The following TASOR2 variants were observed in gnomAD, a reference collection of about 807,000 sequenced individuals.
TASOR2 encodes the protein transcription activation suppressor family member 2, also known as protein TASOR 2.
Under a neutral mutation model 199.5 loss-of-function variants are expected in TASOR2, and 84 were observed. That is an observed-to-expected ratio of 0.42 (90% CI 0.35 to 0.50). The LOEUF is 0.50. Ranked by LOEUF, TASOR2 falls within the 20% of genes least tolerant of loss-of-function variation. The pLI is 0.02. For missense variants in TASOR2, 2,796 were observed against 2,835.9 expected, an observed-to-expected ratio of 0.99 and a Z score of 0.32; for synonymous variants, 1,103 against 1,046.6, an observed-to-expected ratio of 1.05 and a Z score of -1.04.
chr10:5,756,272 C>T (rs1434058895), intron 15 of TASOR2, among the ~76,000 whole-genome samples: 1 of 152,178 alleles, frequency 6.6e-6, no homozygotes, highest in African/African-American at 2.4e-5. Flanking sequence ...TCTAGAAATG[C>T]TTTAACTACA....
chr10:5,695,359 T>A (rs1479763094), intron 1 of TASOR2, among the ~76,000 whole-genome samples: 1 of 152,192 alleles, frequency 6.6e-6, no homozygotes, highest in African/African-American at 2.4e-5. Context: ...TCATTGAAGA[T>A]CTTTAGATTG....
At chr10:5,731,485 GC>G (rs1479047926) in intron 11 of TASOR2, among the ~76,000 whole-genome samples, 3 of 152,208 alleles carry the variant, frequency 2.0e-5, no homozygotes, top group Non-Finnish European at 4.4e-5. Flanking sequence ...CCGAGATCAC[GC>G]CATTGCGCTC....
exon 15 of TASOR2, chr10:5,747,050 C>T (rs763724361): frequency 2.8e-5 from 45 of 1,614,044 alleles, no homozygotes; most frequent in Middle Eastern, 3.3e-4. Flanking sequence ...GACTCATCAT[C>T]AGCCTCTACC....
At chr10:5,702,912 G>A (rs535451072) in intron 1 of TASOR2, among the ~76,000 whole-genome samples, 3 of 152,272 alleles carry the variant, frequency 2.0e-5, no homozygotes, top group African/African-American at 7.2e-5. Flanking sequence ...TCAGGTTGGT[G>A]CAGAATAACA....
intron 19 of TASOR2, chr10:5,761,727 G>GT: frequency 3.1e-6 from 1 of 320,032 alleles, no homozygotes; most frequent in South Asian, 7.6e-5. Context: ...TAGTTATACC[G>GT]TATTATTTTT....
intron 1 of TASOR2, among the ~76,000 whole-genome samples, chr10:5,700,270 T>G (rs1387301717): frequency 3.3e-5 from 5 of 152,096 alleles, no homozygotes; most frequent in African/African-American, 9.7e-5. Context: ...TAGCAGGATT[T>G]TATTTTTTTT....
At chr10:5,757,748 A>G (rs1839172352) in intron 17 of TASOR2, 75 bp downstream of exon 18, 3 of 1,490,654 alleles carry the variant, frequency 2.0e-6, no homozygotes, top group Non-Finnish European at 1.8e-6. Flanking sequence ...ATACTGTTTC[A>G]TCCAAAAGAA....
At position 5,754,058 on chromosome 10, in the gene TASOR2, A is replaced by C. The variant is rs146693389; in HGVS notation, c.6607-2555A>C. ...CAGTGCTCATGCCTGTAATCCCAGC[A>C]CTTTGGGAGGCCGAGGCAGGTGGAT... On this transcript the variant is annotated intron_variant, in intron 15 of 20. Transcript: ENST00000328090. The surrounding 1 kb of genome is among the most constrained non-coding windows in gnomAD (Gnocchi z 4.3). 3.2e-3 allele frequency among the ~76,000 whole-genome samples: 489 copies of C among 152,224 alleles called. 1 individual carries two copies. Among genetic ancestry groups the C allele is most frequent in the African/African-American group, 0.011 (464 of 41,532 alleles).
rs1386458564 is a variant in TASOR2 at position 5,742,653 on chromosome 10, G to T, written c.2757+127G>T. 2 of 870,966 alleles carry T rather than the reference G, an allele frequency of 2.3e-6. No homozygotes were observed. Among genetic ancestry groups the T allele is most frequent in the African/African-American group, 3.4e-5 (2 of 58,006 alleles). 54.0% of individuals were successfully genotyped at this position (870,966 alleles called of 1,614,324 possible). A position where few individuals can be genotyped will look rare whatever the true frequency, so the allele number is the denominator to read the frequency against. On this transcript the variant is annotated intron_variant, in intron 14 of 20. Transcript: ENST00000328090. The surrounding 1 kb of genome is among the most constrained non-coding windows in gnomAD (Gnocchi z 4.2). ...ACAGTGAATTCTCAAGGTATGTAAA[G>T]AACTATTACACCAAAAACCTAGTTT...
At chr10:5,739,647 T>C in exon 13 of TASOR2, 1 of 1,613,176 alleles carries the variant, frequency 6.2e-7, no homozygotes, top group Non-Finnish European at 8.5e-7. Flanking sequence ...AAAGCTTCAA[T>C]CAGAAATTTC....
chr10:5,734,811 C>G (rs1415540798), intron 11 of TASOR2, among the ~76,000 whole-genome samples: 1 of 149,110 alleles, frequency 6.7e-6, no homozygotes, highest in Non-Finnish European at 1.5e-5. Flanking sequence ...ATCCTCCCAC[C>G]CCAGCCTCTC....
intron 10 of TASOR2, among the ~76,000 whole-genome samples, chr10:5,727,701 A>G (rs1834227631): frequency 6.6e-6 from 1 of 152,202 alleles, no homozygotes; most frequent in Non-Finnish European, 1.5e-5. Context: ...ACACTAATCT[A>G]GCTTATTCTT....
intron 2 of TASOR2, among the ~76,000 whole-genome samples, chr10:5,716,760 C>G (rs1260141943): frequency 6.6e-6 from 1 of 151,894 alleles, no homozygotes; most frequent in East Asian, 1.9e-4. Flanking sequence ...ACTAAAAATA[C>G]AAAAATTAGC....
intron 15 of TASOR2, among the ~76,000 whole-genome samples, chr10:5,753,523 C>T (rs1838378259): frequency 1.3e-5 from 2 of 152,114 alleles, no homozygotes; most frequent in South Asian, 4.1e-4. Flanking sequence ...CCACCATGCC[C>T]AGCTAATTTT....
exon 19 of TASOR2, chr10:5,761,365 T>A: frequency 5.6e-6 from 9 of 1,614,062 alleles, no homozygotes; most frequent in Non-Finnish European, 7.6e-6. Flanking sequence ...AATTGCTTCA[T>A]TATCACCAGT....
rs1835960795 is a variant in TASOR2, at chr10:5,738,729, G to A, written c.1448-889G>A. Among the ~76,000 whole-genome samples, 1 of 151,384 alleles carries A rather than the reference G, an allele frequency of 6.6e-6. No homozygotes were observed. Among genetic ancestry groups the A allele is most frequent in the South Asian group, 2.1e-4 (1 of 4,770 alleles). On this transcript the variant is annotated intron_variant, in intron 12 of 20. Coordinates refer to ENST00000328090, the Ensembl canonical transcript of TASOR2. The surrounding 1 kb of genome is among the most constrained non-coding windows in gnomAD (Gnocchi z 4.7). ...TACTATGATAAAGAGGAACATAGTT[G>A]GCTTTTCTGGTCATCTGTCTACCTG...
exon 15 of TASOR2, chr10:5,747,524 C>T (rs756669715): frequency 1.9e-6 from 3 of 1,614,114 alleles, no homozygotes; most frequent in Admixed American, 1.7e-5. Context: ...CAACCAGTTA[C>T]TTTAATACTT....
At chr10:5,707,684 C>T (rs993509897) in intron 1 of TASOR2, among the ~76,000 whole-genome samples, 25 of 150,938 alleles carry the variant, frequency 1.7e-4, no homozygotes, top group African/African-American at 5.6e-4. Flanking sequence ...GTCTCCCCCC[C>T]CAACCCCACA....
At chr10:5,762,992 T>A in intron 20 of TASOR2, 37 bp from the exon 22 acceptor site, 1 of 1,602,412 alleles carries the variant, frequency 6.2e-7, no homozygotes, top group Middle Eastern at 1.7e-4. Context: ...GTTCGTATTA[T>A]TTTAAGAAGT....
Sources: allele counts gnomAD v4.1 joint callset (sites outside exome capture counted in the v4.1 genomes callset), GRCh38; gene constraint gnomAD v4.1.1; non-coding constraint Gnocchi (gnomAD v3.1); transcripts MANE v1.5; gene names NCBI Gene and HGNC (gene_info 2026-07-23, HGNC 2026-07-21).